Variants in ASRGL1 observed in about 807,000 individuals in gnomAD.
ASRGL1 encodes isoaspartyl peptidase/L-asparaginase.
In ASRGL1, 16 loss-of-function variants were observed where a neutral mutation model predicts 22.4. That is an observed-to-expected ratio of 0.71 (90% CI 0.48 to 1.08). The LOEUF (loss-of-function observed/expected upper bound fraction) is 1.08. Ranked by LOEUF, ASRGL1 falls within the 50% of genes least tolerant of loss-of-function variation. The probability of loss-of-function intolerance (pLI) is 0.00; values close to 1 mark genes in which losing one functional copy is unlikely to be tolerated. For synonymous variants in ASRGL1, 165 were observed against 159.3 expected, an observed-to-expected ratio of 1.04 and a Z score of -0.27; for missense variants, 412 against 410.1, an observed-to-expected ratio of 1.00 and a Z score of -0.04.
At chr11:62,362,553 ATATATTATT>A (rs1188984752) in intron 4 of ASRGL1, among the ~76,000 whole-genome samples, 1 of 10,958 alleles carries the variant, frequency 9.1e-5, no homozygotes, top group Non-Finnish European at 2.1e-4. Flanking sequence ...AATATATAAC[ATATATTATT>A]TATATAATAT....
intron 4 of ASRGL1, chr11:62,382,252 G>T (rs1947089136): frequency 6.6e-6 from 1 of 151,984 alleles, no homozygotes; most frequent in Non-Finnish European, 1.5e-5. Flanking sequence ...CCGGTGCTCA[G>T]CATACGGAGG....
rs557102532 is a variant in ASRGL1, at chr11:62,380,290, T to A, written c.492-8843T>A. On this transcript the variant is annotated intron_variant, in intron 4 of 6. Transcript: ENST00000415229. ...TATGCCATCAACTCCACTATGACCT[T>A]ACGGGCATTTTCATCGGTAATTGAC... Among the ~76,000 whole-genome samples, 381 of 152,272 alleles carry A rather than the reference T, an allele frequency of 2.5e-3. 1 individual carries two copies. Among genetic ancestry groups the A allele is most frequent in the Non-Finnish European group, 4.4e-3 (296 of 68,014 alleles).
chr11:62,398,568 C>T, the ASRGL1 span, among the ~76,000 whole-genome samples: 1 of 152,220 alleles, frequency 6.6e-6, no homozygotes, highest in Non-Finnish European at 1.5e-5. Context: ...TCCCAACTTT[C>T]TTTGCAGACA....
chr11:62,395,305 C>G (rs1947418648), downstream of ASRGL1, among the ~76,000 whole-genome samples: 1 of 152,108 alleles, frequency 6.6e-6, no homozygotes, highest in Admixed American at 6.5e-5. Context: ...CCCACTTGCT[C>G]CTTCCAGCCA....
intron 2 of ASRGL1, among the ~76,000 whole-genome samples, chr11:62,354,757 A>T (rs1946239821): frequency 6.6e-6 from 1 of 152,166 alleles, no homozygotes; most frequent in South Asian, 2.1e-4. Context: ...GCCATGGTTG[A>T]CTGAGGATAA....
chr11:62,347,905 C>T (rs1213544463), intron 2 of ASRGL1, among the ~76,000 whole-genome samples: 1 of 152,030 alleles, frequency 6.6e-6, no homozygotes, highest in Non-Finnish European at 1.5e-5. Flanking sequence ...CCAGCCTGGG[C>T]GACAGAATGA....
chr11:62,343,685 G>A (rs1945929463), intron 2 of ASRGL1, among the ~76,000 whole-genome samples: 3 of 131,372 alleles, frequency 2.3e-5, no homozygotes, highest in Admixed American at 9.5e-5. Flanking sequence ...CCAAGATGGC[G>A]CCACTGCACT....
chr11:62,389,731 G>A (rs1030785464), intron 5 of ASRGL1: 33 of 248,854 alleles, frequency 1.3e-4, no homozygotes, highest in African/African-American at 6.6e-4. Flanking sequence ...TTACATTAAC[G>A]GGGAAGCACG....
rs77526635 is a variant in ASRGL1, at chr11:62,381,424, T to C, written c.492-7709T>C. 6.8e-3 allele frequency among the ~76,000 whole-genome samples: 1,041 copies of C among 152,308 alleles called. 59 individuals are homozygous for C. In the East Asian group the frequency reaches 0.13, roughly 19 times the overall value. On this transcript the variant is annotated intron_variant, in intron 4 of 6. Coordinates refer to ENST00000415229, the MANE Select transcript of ASRGL1 (RefSeq NM_001083926.2). ...AACTTTTGAACTTTCCATTCCTTTCTGGGATTCTATCCCTGCCTATTCTTC... is the reference window on the plus strand; with the variant it reads ...AACTTTTGAACTTTCCATTCCTTTCCGGGATTCTATCCCTGCCTATTCTTC...
At chr11:62,368,427 G>A (rs1224352542) in intron 4 of ASRGL1, among the ~76,000 whole-genome samples, 2 of 152,126 alleles carry the variant, frequency 1.3e-5, no homozygotes, top group Non-Finnish European at 2.9e-5. Context: ...CAGATACACA[G>A]GTGTATAATT....
intron 4 of ASRGL1, among the ~76,000 whole-genome samples, chr11:62,374,146 CG>C (rs1291144824): frequency 6.6e-6 from 1 of 152,144 alleles, no homozygotes; most frequent in Non-Finnish European, 1.5e-5. Flanking sequence ...TGCTGAGACT[CG>C]GGGTACCGTT....
chr11:62,342,953 A>G (rs1206155407), intron 2 of ASRGL1, among the ~76,000 whole-genome samples: 10 of 152,316 alleles, frequency 6.6e-5, no homozygotes, highest in Non-Finnish European at 1.3e-4. Flanking sequence ...GACATGTTCC[A>G]TTTGGGGCCA....
chr11:62,373,002 G>T lies in ASRGL1; in HGVS notation c.491+15858G>T, dbSNP rs1387121357. 3 of 1,389,280 alleles carry T rather than the reference G, an allele frequency of 2.2e-6. No homozygotes were observed. The Admixed American group carries it at 5.0e-5, about 23-fold the overall frequency. The allele number at this position is 1,389,280 out of a possible 1,614,324, so 86.1% of individuals were successfully genotyped here. On this transcript the variant is annotated intron_variant, in intron 4 of 6. Transcript: ENST00000415229. The stretch of plus-strand genomic sequence containing the variant: ...GACCTTTGGGGAACTGGGCTACAGG[G>T]ATCACAAGCCCAAGTCTTCCACTGC...
chr11:62,361,687 C>T (rs1008941139), intron 4 of ASRGL1, among the ~76,000 whole-genome samples: 8 of 151,898 alleles, frequency 5.3e-5, no homozygotes, highest in African/African-American at 1.5e-4. Context: ...GGGGTTTCAC[C>T]ATGTTGGCCA....
chr11:62,352,424 A>G (rs548921386), intron 2 of ASRGL1, among the ~76,000 whole-genome samples: 1 of 152,254 alleles, frequency 6.6e-6, no homozygotes, highest in East Asian at 1.9e-4. Context: ...TGTCTCTACT[A>G]AAAATATAAA....
At position 62,338,734 on chromosome 11, in the gene ASRGL1, G is replaced by A. The variant is rs367769716; in HGVS notation, c.190+567G>A. Among the ~76,000 whole-genome samples the A allele has an allele frequency of 5.9e-5, 9 of 151,428 alleles. No individual in the cohort carries two copies. The East Asian group carries it at 1.6e-3, about 26-fold the overall frequency. On this transcript the variant is annotated intron_variant, in intron 2 of 6. Transcript: ENST00000415229. ...GTGGATCACCTGAGGTCAGGAGTTC[G>A]AGACCAGCCTGGCTAACAGGTGAAA...
intron 4 of ASRGL1, among the ~76,000 whole-genome samples, chr11:62,375,439 T>TATAC (rs1437452548): frequency 5.4e-5 from 1 of 18,532 alleles, no homozygotes; most frequent in African/African-American, 3.4e-4. Flanking sequence ...TATATATATA[T>TATAC]ATATATATAT....
At chr11:62,340,805 C>T (rs940119711) in intron 2 of ASRGL1, among the ~76,000 whole-genome samples, 23 of 152,334 alleles carry the variant, frequency 1.5e-4, no homozygotes, top group African/African-American at 4.8e-4. Context: ...CCAGCATCCT[C>T]TGCTATAATC....
rs758277116 is a variant in ASRGL1, at chr11:62,357,016, C to T, written c.363C>T (p.Gly121=). 12 of 1,613,512 alleles carry T rather than the reference C, an allele frequency of 7.4e-6. No individual in the cohort carries two copies. The highest frequency in any genetic ancestry group is 1.7e-4 in the Middle Eastern group (1 of 6,056). ...CTCATTGCTTTCTGACTGACCAAGGCGCAGCGCAGTTTGCAGCAGCTATGG... is the reference window on the plus strand; with the variant it reads ...CTCATTGCTTTCTGACTGACCAAGGTGCAGCGCAGTTTGCAGCAGCTATGG... ...KTPHCFLTDQ[G]AAQFAAAMGV... Residue 121 remains glycine (G), a synonymous_variant, in exon 4 of 7, where the codon GGC becomes GGT. Coordinates refer to ENST00000415229, the MANE Select transcript of ASRGL1 (RefSeq NM_001083926.2).
Sources: allele counts gnomAD v4.1 joint callset (sites outside exome capture counted in the v4.1 genomes callset), GRCh38; gene constraint gnomAD v4.1.1; transcripts MANE v1.5; gene names NCBI Gene and HGNC (gene_info 2026-07-23, HGNC 2026-07-21).